The following VPS13B variants were observed in gnomAD, a reference collection of about 807,000 sequenced individuals.
The protein encoded by VPS13B is vacuolar protein sorting 13 homolog B, also known as intermembrane lipid transfer protein VPS13B.
Under a neutral mutation model 426.4 loss-of-function variants are expected in VPS13B, and 285 were observed. The ratio of observed to expected loss-of-function variants is 0.67; its 90% CI spans 0.61 to 0.74. VPS13B has a LOEUF of 0.74. Among genes scored for constraint, VPS13B ranks in the 30% least tolerant of loss-of-function variants. The pLI, the probability that VPS13B is intolerant of heterozygous loss-of-function variation, is 0.00. For missense variants in VPS13B, 4,537 were observed against 4,782.6 expected (o/e 0.95, Z 1.51); for synonymous variants, 1,676 against 1,676.4 (o/e 1.00, Z 0.01).
chr8:99,691,394 A>G (rs1242676048), intron 35 of VPS13B, among the ~76,000 whole-genome samples: 3 of 152,126 alleles, frequency 2.0e-5, no homozygotes, highest in African/African-American at 7.2e-5. Flanking sequence ...ATATGTCAAT[A>G]AGGTGTTTTA....
chr8:99,740,919 C>T (rs1809684095), intron 39 of VPS13B, among the ~76,000 whole-genome samples: 2 of 152,120 alleles, frequency 1.3e-5, no homozygotes. Context: ...CATCAACTAA[C>T]AAGCAAAATA....
chr8:99,339,221 G>A (rs1453916554), intron 19 of VPS13B, among the ~76,000 whole-genome samples: 1 of 152,018 alleles, frequency 6.6e-6, no homozygotes, highest in Non-Finnish European at 1.5e-5. Context: ...GTATTAGGTC[G>A]TTCTTGCATT....
intron 19 of VPS13B, among the ~76,000 whole-genome samples, chr8:99,336,328 T>C (rs1426812697): frequency 2.0e-5 from 3 of 152,200 alleles, no homozygotes; most frequent in Admixed American, 1.3e-4. Context: ...AAGCTGAAAC[T>C]GGATCCCTTC....
At chr8:99,219,948 C>T (rs1022414447) in intron 17 of VPS13B, among the ~76,000 whole-genome samples, 1 of 152,126 alleles carries the variant, frequency 6.6e-6, no homozygotes, top group African/African-American at 2.4e-5. Context: ...TTACTCAGAT[C>T]GAGCCAGTTG....
At chr8:99,421,457 T>C (rs922312704) in intron 21 of VPS13B, among the ~76,000 whole-genome samples, 1 of 152,030 alleles carries the variant, frequency 6.6e-6, no homozygotes, top group African/African-American at 2.4e-5. Context: ...CTAGGAGTCA[T>C]TGTATGGGGA....
At chr8:99,707,725 G>A (rs1057462792) in intron 36 of VPS13B, among the ~76,000 whole-genome samples, 1 of 152,152 alleles carries the variant, frequency 6.6e-6, no homozygotes, top group African/African-American at 2.4e-5. Context: ...CCCACTAAGT[G>A]TCAAGGAACC....
intron 16 of VPS13B, among the ~76,000 whole-genome samples, chr8:99,191,159 C>T (rs1403818928): frequency 6.6e-6 from 1 of 151,736 alleles, no homozygotes; most frequent in Non-Finnish European, 1.5e-5. Flanking sequence ...AGTCTGCTTT[C>T]ATTTTGTAGC....
At chr8:99,378,835 CAG>C (rs1813638973) in intron 19 of VPS13B, among the ~76,000 whole-genome samples, 1 of 152,102 alleles carries the variant, frequency 6.6e-6, no homozygotes, top group Non-Finnish European at 1.5e-5. Context: ...ACATAAATGA[CAG>C]ATCATAATTT....
At chr8:99,105,302 T>C (rs1403419296) in intron 5 of VPS13B, among the ~76,000 whole-genome samples, 2 of 152,078 alleles carry the variant, frequency 1.3e-5, no homozygotes, top group East Asian at 3.9e-4. Flanking sequence ...CTATGGAAAA[T>C]AGAAAACAAA....
chr8:99,471,020 G>A (rs186588345), intron 24 of VPS13B, among the ~76,000 whole-genome samples: 1 of 152,154 alleles, frequency 6.6e-6, no homozygotes, highest in Admixed American at 6.6e-5. Context: ...TTTTGGAAGT[G>A]CTAACATAAA....
chr8:99,512,852 A>G (rs1000222915), intron 29 of VPS13B, among the ~76,000 whole-genome samples: 3 of 152,108 alleles, frequency 2.0e-5, no homozygotes, highest in African/African-American at 7.2e-5. Flanking sequence ...TACTAAAAAT[A>G]CAAAAAATTA....
chr8:99,485,559 A>G (rs1405288290), intron 25 of VPS13B, among the ~76,000 whole-genome samples: 2 of 152,204 alleles, frequency 1.3e-5, no homozygotes, highest in Admixed American at 1.3e-4. Flanking sequence ...TACCACAGAT[A>G]CAAATAACAT....
intron 39 of VPS13B, among the ~76,000 whole-genome samples, chr8:99,764,720 A>G (rs995329125): frequency 2.6e-5 from 4 of 151,958 alleles, no homozygotes; most frequent in Non-Finnish European, 4.4e-5. Context: ...TGGCATAGAG[A>G]TATACTTTAT....
At chr8:99,709,682 T>C (rs2130260154) in intron 36 of VPS13B, among the ~76,000 whole-genome samples, 1 of 152,230 alleles carries the variant, frequency 6.6e-6, no homozygotes, top group East Asian at 1.9e-4. Context: ...AAGCATTCTG[T>C]TGAAGGAAAT....
intron 19 of VPS13B, among the ~76,000 whole-genome samples, chr8:99,369,243 T>G (rs1813048780): frequency 6.6e-6 from 1 of 152,212 alleles, no homozygotes; most frequent in African/African-American, 2.4e-5. Context: ...CACAATAATT[T>G]GAACATAAAT....
intron 34 of VPS13B, among the ~76,000 whole-genome samples, chr8:99,643,347 G>C (rs982593938): frequency 1.3e-5 from 2 of 152,182 alleles, no homozygotes; most frequent in African/African-American, 2.4e-5. Flanking sequence ...CCAGTAGGTG[G>C]AAGCCAGCAG....
chr8:99,608,850 T>C (rs368748372), intron 33 of VPS13B, among the ~76,000 whole-genome samples: 5 of 152,136 alleles, frequency 3.3e-5, no homozygotes, highest in African/African-American at 1.2e-4. Flanking sequence ...TGTTGAGTAA[T>C]ATTTTATTGT....
intron 54 of VPS13B, among the ~76,000 whole-genome samples, chr8:99,845,521 T>C (rs1327752919): frequency 1.3e-5 from 2 of 152,208 alleles, no homozygotes; most frequent in Admixed American, 1.3e-4. Flanking sequence ...GGTGTCTCTC[T>C]CACCATTCTG....
intron 19 of VPS13B, among the ~76,000 whole-genome samples, chr8:99,366,960 T>A (rs1812925178): frequency 6.6e-6 from 1 of 152,198 alleles, no homozygotes; most frequent in Admixed American, 6.5e-5. Context: ...GTACTGTCAA[T>A]GTCTTGAAAA....
Sources: gnomAD v4.1 joint callset for allele counts (sites outside exome capture counted in the v4.1 genomes callset) on GRCh38, gnomAD v4.1.1 for gene constraint, MANE v1.5 for transcripts, NCBI Gene and HGNC (gene_info 2026-07-23, HGNC 2026-07-21) for gene names.